NKAIN2: variants seen among roughly 807,000 people sequenced by gnomAD.
NKAIN2 encodes sodium/potassium transporting ATPase interacting 2, also known as sodium/potassium-transporting ATPase subunit beta-1-interacting protein 2.
Under a neutral mutation model 32.6 loss-of-function variants are expected in NKAIN2, and 14 were observed. The ratio of observed to expected loss-of-function variants is 0.43; its 90% confidence interval spans 0.28 to 0.67. The LOEUF (loss-of-function observed/expected upper bound fraction) is 0.67. Among genes scored for constraint, NKAIN2 ranks in the 30% least tolerant of loss-of-function variants. The pLI is 0.17. For missense variants in NKAIN2, 198 were observed against 258.3 expected (o/e 0.77, Z 1.60); for synonymous variants, 80 against 87.2 (o/e 0.92, Z 0.46).
At chr6:124,232,276 A>C (rs2114739319) in intron 1 of NKAIN2, among the ~76,000 whole-genome samples, 1 of 152,308 alleles carries the variant, frequency 6.6e-6, no homozygotes, top group Non-Finnish European at 1.5e-5. Context: ...ATTGATCAGC[A>C]ACTTATAAAA....
chr6:124,096,032 A>T (rs915462623), intron 1 of NKAIN2, among the ~76,000 whole-genome samples: 3 of 152,342 alleles, frequency 2.0e-5, no homozygotes, highest in African/African-American at 7.2e-5. Flanking sequence ...CTAGAAAACA[A>T]AACTGTAGGA....
At chr6:124,460,693 T>C (rs1367602459) in intron 3 of NKAIN2, among the ~76,000 whole-genome samples, 2 of 151,690 alleles carry the variant, frequency 1.3e-5, no homozygotes, top group Admixed American at 1.3e-4. Context: ...CACCATGGTT[T>C]CTCTAAAAGT....
chr6:124,602,642 G>C (rs897586531), intron 3 of NKAIN2, among the ~76,000 whole-genome samples: 6 of 151,792 alleles, frequency 4.0e-5, no homozygotes, highest in African/African-American at 1.4e-4. Context: ...TGAATACTTG[G>C]TTTTATTTTA....
chr6:124,379,281 G>C (rs1800151726), intron 3 of NKAIN2, among the ~76,000 whole-genome samples: 1 of 98,124 alleles, frequency 1.0e-5, no homozygotes, highest in Admixed American at 1.1e-4. Context: ...AAGGAGGAGA[G>C]AGGAGAGGAG....
intron 4 of NKAIN2, among the ~76,000 whole-genome samples, chr6:124,764,501 C>T (rs966996654): frequency 2.0e-5 from 3 of 151,972 alleles, no homozygotes; most frequent in South Asian, 2.1e-4. Flanking sequence ...AGAAGCAGCC[C>T]GTAAGCTACA....
intron 3 of NKAIN2, among the ~76,000 whole-genome samples, chr6:124,549,621 C>T (rs556282293): frequency 3.9e-5 from 6 of 152,260 alleles, no homozygotes; most frequent in Admixed American, 6.5e-5. Context: ...TCCCACATCT[C>T]GTTTAGTTGT....
chr6:124,756,897 A>G (rs1777990949), intron 4 of NKAIN2, among the ~76,000 whole-genome samples: 2 of 152,110 alleles, frequency 1.3e-5, no homozygotes, highest in Admixed American at 6.5e-5. Context: ...GTGTTAGAAG[A>G]CATTTGCTTT....
intron 2 of NKAIN2, among the ~76,000 whole-genome samples, chr6:124,336,906 T>C (rs974677624): frequency 2.9e-4 from 44 of 151,916 alleles, no homozygotes; most frequent in African/African-American, 1.1e-3. Flanking sequence ...CTTCTGACAT[T>C]GTGATCCACC....
intron 4 of NKAIN2, among the ~76,000 whole-genome samples, chr6:124,755,032 G>T (rs765586317): frequency 6.6e-6 from 1 of 152,090 alleles, no homozygotes; most frequent in African/African-American, 2.4e-5. Context: ...ATCACAAGGC[G>T]AAATCCCATG....
intron 3 of NKAIN2, among the ~76,000 whole-genome samples, chr6:124,604,588 T>G (rs1782428922): frequency 6.6e-6 from 1 of 151,478 alleles, no homozygotes; most frequent in Non-Finnish European, 1.5e-5. Flanking sequence ...CCTCATTATC[T>G]CCACCAGAAA....
chr6:124,770,663 C>G (rs949519009), intron 4 of NKAIN2, among the ~76,000 whole-genome samples: 3 of 152,014 alleles, frequency 2.0e-5, no homozygotes, highest in African/African-American at 7.2e-5. Flanking sequence ...TACCTGAAAT[C>G]TGCCTTCTCT....
intron 1 of NKAIN2, among the ~76,000 whole-genome samples, chr6:124,147,238 C>G (rs1013188301): frequency 6.6e-6 from 1 of 152,268 alleles, no homozygotes; most frequent in African/African-American, 2.4e-5. Context: ...TCAGGATACA[C>G]TGGAAAGCGT....
At chr6:124,190,385 T>C (rs977282350) in intron 1 of NKAIN2, among the ~76,000 whole-genome samples, 7 of 152,224 alleles carry the variant, frequency 4.6e-5, no homozygotes, top group Non-Finnish European at 1.0e-4. Flanking sequence ...CTTGGCATCA[T>C]GTAGACAAAC....
intron 1 of NKAIN2, among the ~76,000 whole-genome samples, chr6:124,207,131 A>C (rs988257682): frequency 1.3e-5 from 2 of 151,882 alleles, no homozygotes; most frequent in South Asian, 4.2e-4. Flanking sequence ...TTGTTTCAAC[A>C]TAATAAGGAA....
intron 4 of NKAIN2, among the ~76,000 whole-genome samples, chr6:124,707,785 G>C (rs1583686915): frequency 6.6e-6 from 1 of 152,074 alleles, no homozygotes; most frequent in African/African-American, 2.4e-5. Context: ...CTCCCATTGT[G>C]TAGGTTGCCT....
chr6:124,709,122 T>C (rs1292903421), intron 4 of NKAIN2, among the ~76,000 whole-genome samples: 15 of 133,802 alleles, frequency 1.1e-4, no homozygotes, highest in East Asian at 1.1e-3. Flanking sequence ...TTTGGCTCTG[T>C]TTATATGCTG....
At chr6:124,143,144 GA>G (rs1787224145) in intron 1 of NKAIN2, among the ~76,000 whole-genome samples, 2 of 152,278 alleles carry the variant, frequency 1.3e-5, no homozygotes, top group South Asian at 4.1e-4. Context: ...TTTGCTTCCA[GA>G]ATGCAGTGTT....
chr6:124,752,541 A>ATGTGTG (rs138478641), intron 4 of NKAIN2, among the ~76,000 whole-genome samples: 10 of 148,890 alleles, frequency 6.7e-5, no homozygotes, highest in African/African-American at 7.4e-5. Context: ...ATATGTGGGT[A>ATGTGTG]TGTGTGTGTG....
chr6:124,353,218 A>T (rs1377782535), intron 2 of NKAIN2, among the ~76,000 whole-genome samples: 2 of 151,792 alleles, frequency 1.3e-5, no homozygotes, highest in African/African-American at 4.9e-5. Context: ...AATATAAACA[A>T]AAATTAAGAA....
Sources: gnomAD v4.1 joint callset for allele counts (sites outside exome capture counted in the v4.1 genomes callset) on GRCh38, gnomAD v4.1.1 for gene constraint, MANE v1.5 for transcripts, NCBI Gene and HGNC (gene_info 2026-07-23, HGNC 2026-07-21) for gene names.